Variants in BIRC3 observed in about 807,000 individuals in gnomAD.
The protein encoded by BIRC3 is baculoviral IAP repeat-containing protein 3.
A neutral mutation model predicts 59.0 loss-of-function variants in BIRC3; 26 were observed. The ratio of observed to expected loss-of-function variants is 0.44; its 90% CI spans 0.32 to 0.61. The LOEUF is 0.61. Among genes scored for constraint, BIRC3 ranks in the 20% least tolerant of loss-of-function variants. The probability of loss-of-function intolerance (pLI) is 0.04; values close to 1 mark genes in which losing one functional copy is unlikely to be tolerated. For missense variants in BIRC3, 641 were observed against 711.5 expected, an observed-to-expected ratio of 0.90 and a Z score of 1.13; for synonymous variants, 243 against 249.2, an observed-to-expected ratio of 0.98 and a Z score of 0.24.
intron 1 of BIRC3, among the ~76,000 whole-genome samples, chr11:102,318,376 C>T (rs1011793254): frequency 6.6e-6 from 1 of 152,172 alleles, no homozygotes; most frequent in African/African-American, 2.4e-5. Flanking sequence ...TAATCAATCA[C>T]TGAGCTGACT....
intron 1 of BIRC3, among the ~76,000 whole-genome samples, chr11:102,321,167 G>C (rs187567089): frequency 6.6e-6 from 1 of 152,340 alleles, no homozygotes; most frequent in East Asian, 1.9e-4. Flanking sequence ...TAATTGCACT[G>C]TAATTAGGTA....
Position 102,336,128 on chromosome 11 carries a change from T to C in BIRC3, c.1487T>C (p.Ile496Thr), listed in dbSNP as rs1480768971. The stretch of plus-strand genomic sequence containing the variant: ...ACGTCTTTACAAGCAAGAGAACTGA[T>C]TGATACGATTTTAGTAAAAGGAAAT... ...TQTSLQAREL[I>T]DTILVKGNIA... The change falls in exon 7 of 9, where the codon ATT (isoleucine) becomes ACT (threonine). Residue 496 changes from isoleucine (I) to threonine (T), a missense_variant. Ile to Thr is a moderately conservative substitution (Grantham distance 89, BLOSUM62 -1). Transcript: ENST00000263464. 1.2e-6 allele frequency: 2 copies of C among 1,613,904 alleles called. No individual in the cohort carries two copies. The highest frequency in any genetic ancestry group is 1.1e-5 in the South Asian group (1 of 91,070).
chr11:102,325,812 C>G (rs746463518), intron 3 of BIRC3, among the ~76,000 whole-genome samples: 3 of 151,760 alleles, frequency 2.0e-5, no homozygotes. Flanking sequence ...AATACATGCT[C>G]ATTATAAAAA....
Position 102,331,134 on chromosome 11 carries a change from C to T in BIRC3, c.1217C>T (p.Thr406Ile). The change falls in exon 6 of 9, where the codon ACT becomes ATT. Residue 406 changes from threonine to isoleucine, a missense_variant. This residue lies in a region of BIRC3 where 268 missense variants were observed against 255.7 expected (regional missense o/e 1.05). Coordinates refer to ENST00000263464, the MANE Select transcript of BIRC3 (RefSeq NM_001165.5). ...KQTVQRKILA[T>I]GENYRLVNDL... ...ACAGTTCAGAGAAAAATCCTAGCAA[C>T]TGGAGAGAATTATAGACTAGTCAAT... The T allele has an allele frequency of 1.2e-6, 2 of 1,613,680 alleles. No individual in the cohort carries two copies. Among genetic ancestry groups the T allele is most frequent in the Non-Finnish European group, 8.5e-7 (1 of 1,179,820 alleles).
rs1361678151 is a variant in BIRC3 at position 102,325,108 on chromosome 11, G to C, written c.599G>C (p.Gly200Ala). ...GCAGGCTTTTACTACATAGGACCTG[G>C]AGACAGAGTGGCTTGCTTTGCCTGT... is the stretch of plus-strand genomic sequence containing the variant. ...AKAGFYYIGP[G>A]DRVACFACGG... The change falls in exon 2 of 9, where the codon GGA (glycine) becomes GCA (alanine). Residue 200 changes from glycine (G) to alanine (A), a missense_variant. Coordinates refer to ENST00000263464, the MANE Select transcript of BIRC3 (RefSeq NM_001165.5). 4 of 1,614,224 alleles carry C rather than the reference G, an allele frequency of 2.5e-6. No homozygotes were observed. Among genetic ancestry groups the C allele is most frequent in the Non-Finnish European group, 3.4e-6 (4 of 1,180,038 alleles).
At chr11:102,329,375 A>G (rs1169878813) in intron 5 of BIRC3, among the ~76,000 whole-genome samples, 1 of 152,214 alleles carries the variant, frequency 6.6e-6, no homozygotes, top group Non-Finnish European at 1.5e-5. Flanking sequence ...CAGAAAGGTT[A>G]AATGACTTGT....
intron 1 of BIRC3, among the ~76,000 whole-genome samples, chr11:102,318,655 A>G (rs1950998885): frequency 6.6e-6 from 1 of 152,214 alleles, no homozygotes; most frequent in African/African-American, 2.4e-5. Context: ...GGGATGCCCA[A>G]CAGCCCTGGG....
chr11:102,321,866 AG>A lies in BIRC3; in HGVS notation c.-2643del, dbSNP rs1951033798. ...ACAAAGGAGGAAAACGACTTCTTCT[AG>A]ATTTTTTTTTCAGTTTCTTCTATAA... On this transcript the variant is annotated 5_prime_UTR_variant, in exon 2 of 9. The change abolishes the stop of an existing upstream ORF in the 5' untranslated region. Coordinates refer to ENST00000263464, the MANE Select transcript of BIRC3 (RefSeq NM_001165.5). 5.5e-6 allele frequency: 1 copy of A among 180,504 alleles called. No individual in the cohort carries two copies. Among genetic ancestry groups the A allele is most frequent in the Admixed American group, 6.3e-5 (1 of 15,930 alleles). 11.2% of individuals were successfully genotyped at this position (180,504 alleles called of 1,614,324 possible). A position where few individuals can be genotyped will look rare whatever the true frequency, so the allele number is the denominator to read the frequency against.
In BIRC3 at chr11:102,323,978, C is replaced by CT; in HGVS notation, c.-524dup. 4.4e-5 allele frequency: 9 copies of CT among 205,356 alleles called. No homozygotes were observed. The highest frequency in any genetic ancestry group is 7.5e-5 in the East Asian group (1 of 13,322). The allele number at this position is 205,356 out of a possible 1,614,324, so 12.7% of individuals were successfully genotyped here. ...TTCCTCCTTTGAGTTAGGTCTTGTG[C>CT]TTTTTTTTCCTGGCCACTAAATTTC... On this transcript the variant is annotated 5_prime_UTR_variant, in exon 2 of 9. Transcript: ENST00000263464.
chr11:102,333,123 T>C (rs115557789), intron 6 of BIRC3, among the ~76,000 whole-genome samples: 153 of 152,322 alleles, frequency 1.0e-3, no homozygotes, highest in Middle Eastern at 3.4e-3. Flanking sequence ...TATATATCTC[T>C]ACTACCTAGT....
intron 1 of BIRC3, 114 bp from the exon 2 acceptor site, chr11:102,321,723 G>A (rs61895367): frequency 0.064 from 10,510 of 164,380 alleles, 474 homozygotes; most frequent in Non-Finnish European, 0.1. Flanking sequence ...CATGGTAAAC[G>A]ATCAGTAATT....
At chr11:102,329,331 G>A (rs1006475282) in intron 5 of BIRC3, among the ~76,000 whole-genome samples, 7 of 152,108 alleles carry the variant, frequency 4.6e-5, no homozygotes, top group South Asian at 2.1e-4. Flanking sequence ...AATAGAACAC[G>A]TTAGTCACCT....
Position 102,330,994 on chromosome 11 carries a change from T to C in BIRC3, c.1082-5T>C, listed in dbSNP as rs780325667. On this transcript the variant is annotated splice_polypyrimidine_tract_variant and splice_region_variant and intron_variant, in intron 5 of 8. Coordinates refer to ENST00000263464, the MANE Select transcript of BIRC3 (RefSeq NM_001165.5). ...AATATGTGTTAAATTCTTTGTTCCATATAGTTATCCATTTTGAACCTGGAG... is the reference window on the plus strand; with the variant it reads ...AATATGTGTTAAATTCTTTGTTCCACATAGTTATCCATTTTGAACCTGGAG... 8 of 1,607,150 alleles carry C rather than the reference T, an allele frequency of 5.0e-6. No individual in the cohort carries two copies. In the South Asian group the frequency reaches 5.6e-5, roughly 11 times the overall value.
At chr11:102,329,446 T>C (rs1951116872) in intron 5 of BIRC3, among the ~76,000 whole-genome samples, 1 of 152,182 alleles carries the variant, frequency 6.6e-6, no homozygotes, top group South Asian at 2.1e-4. Flanking sequence ...TCTACTCCAT[T>C]ATCTCATGTT....
chr11:102,329,603 C>A (rs1236060623), intron 5 of BIRC3, among the ~76,000 whole-genome samples: 1 of 152,154 alleles, frequency 6.6e-6, no homozygotes. Context: ...GAATACTATG[C>A]AGCCATAAAA....
At position 102,337,403 on chromosome 11, in the gene BIRC3, T is replaced by G. The variant is rs1012461837; in HGVS notation, c.*301T>G. 1 of 404,300 alleles carries G rather than the reference T, an allele frequency of 2.5e-6. No homozygotes were observed. Among genetic ancestry groups the G allele is most frequent in the African/African-American group, 2.1e-5 (1 of 48,634 alleles). 25.0% of individuals were successfully genotyped at this position (404,300 alleles called of 1,614,324 possible). A position where few individuals can be genotyped will look rare whatever the true frequency, so the allele number is the denominator to read the frequency against. The stretch of plus-strand genomic sequence containing the variant: ...TGAAGTAAAACTTAAGATATTTGAG[T>G]TAACCTTTAAGAATTTTAAATATTT... On this transcript the variant is annotated 3_prime_UTR_variant, in exon 9 of 9. Coordinates refer to ENST00000263464, the MANE Select transcript of BIRC3 (RefSeq NM_001165.5).
At chr11:102,335,891 C>CTA in intron 6 of BIRC3, 75 bp from the exon 7 acceptor site, 9 of 1,422,460 alleles carry the variant, frequency 6.3e-6, no homozygotes, top group Non-Finnish European at 8.5e-6. Context: ...TTTTATCCTG[C>CTA]TATATATATA....
At position 102,338,349 on chromosome 11, in the gene BIRC3, C is replaced by G; in HGVS notation, c.*1247C>G. ...CTCTGTAAGGGCAGAAGGGAAAGAC[C>G]CCTTCATAAGGGTCACAGCTGACAA... On this transcript the variant is annotated 3_prime_UTR_variant, in exon 9 of 9. Coordinates refer to ENST00000263464, the MANE Select transcript of BIRC3 (RefSeq NM_001165.5). 4.4e-6 allele frequency: 1 copy of G among 228,558 alleles called. No homozygotes were observed. The highest frequency in any genetic ancestry group is 1.8e-4 in the South Asian group (1 of 5,484). 14.2% of individuals were successfully genotyped at this position (228,558 alleles called of 1,614,324 possible).
intron 5 of BIRC3, among the ~76,000 whole-genome samples, chr11:102,329,194 G>A (rs1257905751): frequency 6.6e-6 from 1 of 152,078 alleles, no homozygotes; most frequent in Non-Finnish European, 1.5e-5. Context: ...ATCTAAAGGT[G>A]GGGCTCAGGC....
Sources: gnomAD v4.1 joint callset for allele counts (sites outside exome capture counted in the v4.1 genomes callset) on GRCh38, gnomAD v4.1.1 for gene constraint, gnomAD v4.1.1 regional missense constraint, MANE v1.5 for transcripts, NCBI Gene and HGNC (gene_info 2026-07-23, HGNC 2026-07-21) for gene names.